The following DPP10 variants were observed in gnomAD, a reference collection of about 807,000 sequenced individuals.
The protein encoded by DPP10 is inactive dipeptidyl peptidase 10.
A neutral mutation model predicts 120.9 loss-of-function variants in DPP10; 33 were observed. The ratio of observed to expected loss-of-function variants is 0.27; its 90% CI spans 0.21 to 0.37. The LOEUF (loss-of-function observed/expected upper bound fraction) is 0.37. Ranked by LOEUF, DPP10 falls within the 10% of genes least tolerant of loss-of-function variation. DPP10 has a pLI of 1.00. For missense variants in DPP10, 816 were observed against 942.8 expected, an observed-to-expected ratio of 0.87 and a Z score of 1.76; for synonymous variants, 337 against 326.1, an observed-to-expected ratio of 1.03 and a Z score of -0.36.
At chr2:115,226,405 C>T (rs942677734) in intron 1 of DPP10, among the ~76,000 whole-genome samples, 1 of 152,170 alleles carries the variant, frequency 6.6e-6, no homozygotes, top group African/African-American at 2.4e-5. Flanking sequence ...AGATCTGCTT[C>T]CATTCTTGGT....
chr2:115,670,364 T>C (rs1380466854), intron 5 of DPP10, among the ~76,000 whole-genome samples: 1 of 152,150 alleles, frequency 6.6e-6, no homozygotes, highest in Admixed American at 6.5e-5. Flanking sequence ...TTACTTGATA[T>C]TTCAGAAACT....
intron 1 of DPP10, among the ~76,000 whole-genome samples, chr2:114,954,080 C>CTCTTT (rs1698009899): frequency 1.6e-5 from 2 of 122,078 alleles, no homozygotes; most frequent in African/African-American, 6.1e-5. Context: ...TTAAGAAGTC[C>CTCTTT]TTTTTTTTTT....
At chr2:114,905,302 C>A (rs577991208) in intron 1 of DPP10, among the ~76,000 whole-genome samples, 9 of 152,060 alleles carry the variant, frequency 5.9e-5, no homozygotes, top group African/African-American at 2.2e-4. Flanking sequence ...TAATAAATAT[C>A]TTGATCTGTT....
intron 1 of DPP10, among the ~76,000 whole-genome samples, chr2:114,901,617 G>A (rs1041289066): frequency 2.0e-5 from 3 of 152,164 alleles, no homozygotes; most frequent in Non-Finnish European, 4.4e-5. Context: ...TAATTGAAGA[G>A]GACTGAAGAT....
At chr2:114,507,347 C>G (rs781527329) in intron 1 of DPP10, among the ~76,000 whole-genome samples, 1 of 152,110 alleles carries the variant, frequency 6.6e-6, no homozygotes, top group African/African-American at 2.4e-5. Context: ...CTATGGCCAG[C>G]CTTCAGTTTT....
chr2:114,603,033 A>G (rs569544937), intron 1 of DPP10, among the ~76,000 whole-genome samples: 17 of 152,192 alleles, frequency 1.1e-4, no homozygotes, highest in African/African-American at 3.9e-4. Flanking sequence ...ACTACATGCT[A>G]GACAGTCCTC....
chr2:115,774,048 T>G (rs1681789188), intron 13 of DPP10, among the ~76,000 whole-genome samples: 1 of 152,094 alleles, frequency 6.6e-6, no homozygotes, highest in Admixed American at 6.6e-5. Flanking sequence ...ACAAGAGATC[T>G]TTTGGTCCTA....
chr2:115,111,773 G>A (rs2049234539), intron 1 of DPP10, among the ~76,000 whole-genome samples: 1 of 152,172 alleles, frequency 6.6e-6, no homozygotes, highest in South Asian at 2.1e-4. Context: ...TCCTCAAGAG[G>A]TAGATTTCTC....
chr2:115,781,172 A>G (rs1226859688), intron 16 of DPP10, among the ~76,000 whole-genome samples, 177 bp downstream of exon 16: 3 of 151,842 alleles, frequency 2.0e-5, no homozygotes, highest in Non-Finnish European at 4.4e-5. Flanking sequence ...CATATTTTGT[A>G]TAGAAATAAA....
At chr2:114,675,883 C>T (rs1698639869) in intron 1 of DPP10, among the ~76,000 whole-genome samples, 1 of 151,940 alleles carries the variant, frequency 6.6e-6, no homozygotes, top group Non-Finnish European at 1.5e-5. Flanking sequence ...TCACTGCAAC[C>T]TCCACCTCCA....
intron 1 of DPP10, among the ~76,000 whole-genome samples, chr2:115,288,487 G>A (rs146191832): frequency 0.025 from 3,821 of 152,164 alleles, 157 homozygotes; most frequent in African/African-American, 0.087. Flanking sequence ...GGAGGCCAGC[G>A]TGGGTGGATC....
At chr2:115,569,887 A>G (rs1191297794) in intron 5 of DPP10, among the ~76,000 whole-genome samples, 1 of 152,246 alleles carries the variant, frequency 6.6e-6, no homozygotes, top group East Asian at 1.9e-4. Context: ...GAAATAAAAC[A>G]CTAATAAAAT....
intron 5 of DPP10, among the ~76,000 whole-genome samples, chr2:115,590,281 T>G (rs901881724): frequency 2.6e-5 from 4 of 151,974 alleles, no homozygotes; most frequent in Admixed American, 2.0e-4. Context: ...CCTCGTCATT[T>G]ACATTAGGTA....
intron 1 of DPP10, among the ~76,000 whole-genome samples, chr2:114,525,169 A>G (rs1159957158): frequency 6.6e-6 from 1 of 152,242 alleles, no homozygotes; most frequent in African/African-American, 2.4e-5. Flanking sequence ...AGAAATAAAG[A>G]ATTGGTTAAA....
intron 5 of DPP10, among the ~76,000 whole-genome samples, chr2:115,612,737 A>G (rs1237214711): frequency 6.6e-6 from 1 of 152,200 alleles, no homozygotes; most frequent in Non-Finnish European, 1.5e-5. Context: ...GACTAATAAT[A>G]CTGCTCTCAT....
chr2:115,236,557 G>A (rs1442348268), intron 1 of DPP10, among the ~76,000 whole-genome samples: 1 of 152,146 alleles, frequency 6.6e-6, no homozygotes, highest in Admixed American at 6.6e-5. Flanking sequence ...ACTGATCACG[G>A]CATCTTTACA....
intron 1 of DPP10, among the ~76,000 whole-genome samples, chr2:115,264,339 T>C (rs2059374777): frequency 6.6e-6 from 1 of 152,140 alleles, no homozygotes; most frequent in Non-Finnish European, 1.5e-5. Context: ...GGGCTGTAGG[T>C]TGGGTTCAGG....
At chr2:114,887,134 C>T (rs1692140391) in intron 1 of DPP10, among the ~76,000 whole-genome samples, 1 of 152,144 alleles carries the variant, frequency 6.6e-6, no homozygotes, top group Admixed American at 6.6e-5. Flanking sequence ...CCTTATTTTG[C>T]TAGAACATTT....
chr2:114,699,244 T>C (rs1056067483), intron 1 of DPP10, among the ~76,000 whole-genome samples: 1 of 152,188 alleles, frequency 6.6e-6, no homozygotes, highest in Non-Finnish European at 1.5e-5. Context: ...TGTATATATG[T>C]ATGCGTTTGT....
Sources: gnomAD v4.1 joint callset for allele counts (sites outside exome capture counted in the v4.1 genomes callset) on GRCh38, gnomAD v4.1.1 for gene constraint, MANE v1.5 for transcripts, NCBI Gene and HGNC (gene_info 2026-07-23, HGNC 2026-07-21) for gene names.